Variants in HECW1 observed in about 807,000 individuals in gnomAD.
HECW1 encodes the protein HECT, C2 and WW domain containing E3 ubiquitin protein ligase 1.
Under a neutral mutation model 182.3 loss-of-function variants are expected in HECW1, and 61 were observed. That is an observed-to-expected ratio of 0.33 (90% CI 0.27 to 0.41). The LOEUF is 0.41. Ranked by LOEUF, HECW1 falls within the 10% of genes least tolerant of loss-of-function variation. The probability of loss-of-function intolerance (pLI) is 1.00; values close to 1 mark genes in which losing one functional copy is unlikely to be tolerated. For missense variants in HECW1, 1,739 were observed against 2,108.9 expected (o/e 0.82, Z 3.44); for synonymous variants, 859 against 832.6 (o/e 1.03, Z -0.55).
At chr7:43,124,829 A>AT (rs879380788) in intron 2 of HECW1, among the ~76,000 whole-genome samples, 8 of 151,964 alleles carry the variant, frequency 5.3e-5, no homozygotes, top group African/African-American at 7.3e-5. Context: ...TAATTTTAAG[A>AT]TTTTTTTTCT....
intron 16 of HECW1, among the ~76,000 whole-genome samples, chr7:43,471,323 A>G (rs2078015226): frequency 1.3e-5 from 2 of 152,352 alleles, no homozygotes; most frequent in South Asian, 4.1e-4. Context: ...CTCACTAAAC[A>G]GTGGGGTGGC....
chr7:43,357,928 G>C (rs1336054654), intron 5 of HECW1, among the ~76,000 whole-genome samples: 1 of 152,140 alleles, frequency 6.6e-6, no homozygotes, highest in African/African-American at 2.4e-5. Flanking sequence ...AAACAAAGAA[G>C]AGTACAGAGT....
At chr7:43,135,654 A>G (rs1198606962) in intron 2 of HECW1, among the ~76,000 whole-genome samples, 1 of 152,348 alleles carries the variant, frequency 6.6e-6, no homozygotes, top group East Asian at 1.9e-4. Context: ...CTTTTCATGC[A>G]TAGCTTTTTC....
chr7:43,497,960 G>A (rs77221082), intron 19 of HECW1, among the ~76,000 whole-genome samples: 13 of 152,144 alleles, frequency 8.5e-5, no homozygotes, highest in Non-Finnish European at 1.6e-4. Flanking sequence ...GGAGGCAGTC[G>A]CCTGTCCTGT....
chr7:43,192,804 C>G (rs1294043446), intron 2 of HECW1, among the ~76,000 whole-genome samples: 2 of 152,122 alleles, frequency 1.3e-5, no homozygotes, highest in Non-Finnish European at 2.9e-5. Context: ...CAGGGCGAAC[C>G]CCAAAATTGG....
chr7:43,184,008 A>T (rs9770992), intron 2 of HECW1, among the ~76,000 whole-genome samples: 35,815 of 149,894 alleles, frequency 0.24, 4,463 homozygotes, highest in Middle Eastern at 0.27. Flanking sequence ...CAATTCTTTT[A>T]TTATTATTAT....
At chr7:43,274,272 C>G (rs543181980) in intron 3 of HECW1, 1 of 1,003,568 alleles carries the variant, frequency 1.0e-6, no homozygotes, top group Non-Finnish European at 1.4e-6. Context: ...TAAATCATGT[C>G]GTCGCCAAGT....
Position 43,501,284 on chromosome 7 carries a change from C to T in HECW1, c.3593C>T (p.Pro1198Leu). Residue 1198 changes from proline (P) to leucine (L), a missense_variant, in exon 21 of 30, where the codon CCC (proline) becomes CTC (leucine). By Grantham distance (98) the Pro-to-Leu change is moderately conservative. Transcript: ENST00000395891. ...TTCCACCCTGGGTATAGCTTCTCTC[C>T]CCGATGTTCACCCTGTTCTTCACCT... ...AAFHPGYSFS[P>L]RCSPCSSPQN... is the part of the protein sequence containing the mutation. 1 of 1,610,836 alleles carries T rather than the reference C, an allele frequency of 6.2e-7. No homozygotes were observed. Among genetic ancestry groups the T allele is most frequent in the African/African-American group, 1.3e-5 (1 of 74,490 alleles).
At position 43,444,509 on chromosome 7, in the gene HECW1, A is replaced by T; in HGVS notation, c.1337A>T (p.Gln446Leu). Residue 446 changes from glutamine to leucine, a missense_variant, in exon 11 of 30, where the codon CAA (glutamine) becomes CTA (leucine). Physicochemically the swap from Gln to Leu is moderately radical, Grantham distance 113. Around this residue, in one of 5 missense-constraint regions of HECW1, gnomAD observed 971 missense variants for 1,029.1 expected, o/e 0.94. Coordinates refer to ENST00000395891, the MANE Select transcript of HECW1 (RefSeq NM_015052.5). The surrounding 1 kb of genome is among the most constrained non-coding windows in gnomAD (Gnocchi z 4.3). ...GCTGGGGAGCTCCTGGCCCAGGTGC[A>T]AAAGGACATCCAGCCTGCCCCCAGT... ...EGAGELLAQV[Q>L]KDIQPAPSAE... The T allele has an allele frequency of 6.2e-7, 1 of 1,612,054 alleles. No homozygotes were observed.
intron 2 of HECW1, among the ~76,000 whole-genome samples, chr7:43,207,334 C>T (rs1032294499): frequency 1.3e-5 from 2 of 152,194 alleles, no homozygotes; most frequent in East Asian, 1.9e-4. Flanking sequence ...ATGTGAGCCA[C>T]CGCACGCCGC....
chr7:43,219,182 TGTAGG>T (rs369330864), intron 2 of HECW1, among the ~76,000 whole-genome samples: 1 of 152,006 alleles, frequency 6.6e-6, no homozygotes, highest in African/African-American at 2.4e-5. Context: ...GCCAGGCACA[TGTAGG>T]GGCAAGGGCA....
At position 43,193,852 on chromosome 7, in the gene HECW1, T is replaced by C. The variant is rs186121888; in HGVS notation, c.-31-50023T>C. The stretch of plus-strand genomic sequence containing the variant: ...TGCTTGTGTCTGCCTAACTATGTAC[T>C]CTAACAGAAAGACCTAGTAAGGGAA... On this transcript the variant is annotated intron_variant, in intron 2 of 29. Coordinates refer to ENST00000395891, the MANE Select transcript of HECW1 (RefSeq NM_015052.5). Among the ~76,000 whole-genome samples, 3 of 152,266 alleles carry C rather than the reference T, an allele frequency of 2.0e-5. No individual in the cohort carries two copies. The East Asian group carries it at 5.8e-4, about 29-fold the overall frequency.
Position 43,500,651 on chromosome 7 carries a change from G to A in HECW1, c.3438-48G>A, listed in dbSNP as rs577993393. ...AGATCAGAAGAAAATGTATTTCTGA[G>A]TTTATGTGTTGGCATCTAATTTTCC... is the stretch of plus-strand genomic sequence containing the variant. On this transcript the variant is annotated intron_variant, in intron 19 of 29. Transcript: ENST00000395891. 13 of 1,337,306 alleles carry A rather than the reference G, an allele frequency of 9.7e-6. No individual in the cohort carries two copies. The East Asian group carries it at 3.0e-4, about 31-fold the overall frequency. The allele number at this position is 1,337,306 out of a possible 1,614,324, so 82.8% of individuals were successfully genotyped here. A position where few individuals can be genotyped will look rare whatever the true frequency, so the allele number is the denominator to read the frequency against.
intron 2 of HECW1, among the ~76,000 whole-genome samples, chr7:43,233,524 A>C (rs768656952): frequency 6.6e-6 from 1 of 152,220 alleles, no homozygotes; most frequent in Non-Finnish European, 1.5e-5. Flanking sequence ...CAGGCCGATG[A>C]TAGATTTTCC....
intron 2 of HECW1, among the ~76,000 whole-genome samples, chr7:43,120,209 C>T (rs1473011032): frequency 6.6e-6 from 1 of 152,198 alleles, no homozygotes; most frequent in Non-Finnish European, 1.5e-5. Context: ...GTTGTCCTTG[C>T]TCTTCCTAGA....
At chr7:43,233,145 A>T (rs891796411) in intron 2 of HECW1, among the ~76,000 whole-genome samples, 1 of 152,280 alleles carries the variant, frequency 6.6e-6, no homozygotes, top group Non-Finnish European at 1.5e-5. Context: ...TCTATGTTCA[A>T]TATCACATCT....
intron 29 of HECW1, among the ~76,000 whole-genome samples, chr7:43,556,015 G>A (rs2082005813): frequency 6.6e-6 from 1 of 152,218 alleles, no homozygotes; most frequent in African/African-American, 2.4e-5. Flanking sequence ...AGGAGGGGCT[G>A]AGCTACAACC....
In HECW1 at chr7:43,488,381, AGG is replaced by A. The variant is rs1417826583; in HGVS notation, c.3235-3693_3235-3692del. Among the ~76,000 whole-genome samples, 569 of 105,994 alleles carry A rather than the reference AGG, an allele frequency of 5.4e-3. 26 individuals are homozygous for A. The highest frequency in any genetic ancestry group is 8.8e-3 in the Admixed American group (91 of 10,306). The allele number at this position is 105,994 out of a possible 152,430, so 69.5% of individuals were successfully genotyped here. On this transcript the variant is annotated intron_variant, in intron 17 of 29. Coordinates refer to ENST00000395891, the MANE Select transcript of HECW1 (RefSeq NM_015052.5). ...AAGGAAGGAAGGAAGGAAGGAAGGA[AGG>A]AAGGAAGGAAGGAAGGAAATGAAAG...
chr7:43,357,975 A>G (rs1001989112), intron 5 of HECW1, among the ~76,000 whole-genome samples: 12 of 152,346 alleles, frequency 7.9e-5, no homozygotes, highest in Non-Finnish European at 1.5e-4. Context: ...CAAAATATGC[A>G]CTGATCTTTT....
Sources: allele counts gnomAD v4.1 joint callset (sites outside exome capture counted in the v4.1 genomes callset), GRCh38; gene constraint gnomAD v4.1.1; regional missense constraint gnomAD v4.1.1; non-coding constraint Gnocchi (gnomAD v3.1); transcripts MANE v1.5; gene names NCBI Gene and HGNC (gene_info 2026-07-23, HGNC 2026-07-21).